HFM1: variants seen among roughly 807,000 people sequenced by gnomAD.
The protein encoded by HFM1 is probable ATP-dependent DNA helicase HFM1.
HFM1 carries 169 observed loss-of-function variants against 192.1 expected under a neutral mutation model. The ratio of observed to expected loss-of-function variants is 0.88; its 90% confidence interval spans 0.78 to 1.00. The LOEUF is 1.00. Ranked by LOEUF, HFM1 falls within the 50% of genes least tolerant of loss-of-function variation. The pLI is 0.00. For missense variants in HFM1, 1,661 were observed against 1,668.0 expected (o/e 1.00, Z 0.07); for synonymous variants, 525 against 537.8 (o/e 0.98, Z 0.33).
In HFM1 at chr1:91,289,485, C is replaced by T. The variant is rs1234609036; in HGVS notation, c.3392-12423G>A. On this transcript the variant is annotated intron_variant, in intron 30 of 38. Transcript: ENST00000370425. ...GGCACCTGGGCAGAGGCTGCAATCT[C>T]GGCACTTTGGGAAGCCAAGGCAGGC... Among the ~76,000 whole-genome samples the T allele has an allele frequency of 5.3e-5, 8 of 152,266 alleles. No homozygotes were observed. The South Asian group carries it at 6.2e-4, about 12-fold the overall frequency.
chr1:91,308,056 C>T (rs953221077), intron 30 of HFM1, among the ~76,000 whole-genome samples: 2 of 152,116 alleles, frequency 1.3e-5, no homozygotes, highest in Non-Finnish European at 2.9e-5. Context: ...AGTTTTGCTA[C>T]AATATGTCCA....
chr1:91,407,306 T>C (rs1267007921), upstream of HFM1, among the ~76,000 whole-genome samples: 3 of 151,984 alleles, frequency 2.0e-5, no homozygotes, highest in Admixed American at 6.6e-5. Context: ...TGTATATCTA[T>C]GTAACAAACC....
Position 91,261,089 on chromosome 1 carries a change from A to G in HFM1, c.*201T>C, listed in dbSNP as rs2100647079. 5.9e-6 allele frequency: 2 copies of G among 337,920 alleles called. No individual in the cohort carries two copies. Among genetic ancestry groups the G allele is most frequent in the South Asian group, 2.9e-4 (2 of 6,790 alleles). 20.9% of individuals were successfully genotyped at this position (337,920 alleles called of 1,614,324 possible). Reference sequence around the variant, plus strand: ...GGGCTTATTGAAACAAAGCCACTGTAAAAGAGCTTTTCAAGAAGTTACAAT... The same window carrying G: ...GGGCTTATTGAAACAAAGCCACTGTGAAAGAGCTTTTCAAGAAGTTACAAT... On this transcript the variant is annotated 3_prime_UTR_variant, in exon 39 of 39. Transcript: ENST00000370425.
chr1:91,362,186 C>T (rs912922867), intron 13 of HFM1, among the ~76,000 whole-genome samples: 2 of 152,134 alleles, frequency 1.3e-5, no homozygotes, highest in African/African-American at 2.4e-5. Context: ...TTTGGAAGTT[C>T]TGGCAAGGGC....
At position 91,316,435 on chromosome 1, in the gene HFM1, A is replaced by G; in HGVS notation, c.2854T>C (p.Ser952Pro). 6.3e-7 allele frequency: 1 copy of G among 1,580,664 alleles called. No homozygotes were observed. The highest frequency in any genetic ancestry group is 1.2e-5 in the South Asian group (1 of 86,028). ...TCTGTCTCTTCTATTTTTTTAAAGG[A>G]AGTCAAACCAGCATTTACGATTGCA... ...SNAIVNAGLTSFKKIEETDAR... is the reference protein window; with the variant it reads ...SNAIVNAGLTPFKKIEETDAR... Residue 952 changes from serine to proline, a missense_variant, in exon 26 of 39, where the codon TCC (serine) becomes CCC (proline). Physicochemically the swap from Ser to Pro is moderately conservative, Grantham distance 74. Coordinates refer to ENST00000370425, the MANE Select transcript of HFM1 (RefSeq NM_001017975.6).
intron 30 of HFM1, among the ~76,000 whole-genome samples, chr1:91,282,277 G>A (rs577584300): frequency 4.2e-4 from 63 of 151,642 alleles, no homozygotes; most frequent in Middle Eastern, 6.8e-3. Context: ...CGAGACCTCC[G>A]GTTTTCCTTC....
Position 91,262,237 on chromosome 1 carries a change from T to A in HFM1, c.4238+4A>T. ...ATCTTAAAGTGTCTTTAAAGAGTTC[T>A]TACCTGAAATCAACTTCCTTTTTAC... On this transcript the variant is annotated splice_donor_region_variant and intron_variant, in intron 38 of 38. Transcript: ENST00000370425. 2 of 1,292,782 alleles carry A rather than the reference T, an allele frequency of 1.5e-6. No homozygotes were observed. Among genetic ancestry groups the A allele is most frequent in the Non-Finnish European group, 2.2e-6 (2 of 924,640 alleles). The allele number at this position is 1,292,782 out of a possible 1,614,324, so 80.1% of individuals were successfully genotyped here.
Position 91,380,940 on chromosome 1 carries a change from T to C in HFM1, c.845A>G (p.Asn282Ser), listed in dbSNP as rs1395066615. Residue 282 changes from asparagine (N) to serine (S), a missense_variant, in exon 7 of 39, where the codon AAC becomes AGC. Coordinates refer to ENST00000370425, the MANE Select transcript of HFM1 (RefSeq NM_001017975.6). ...RSIFKEFPYF[N>S]YIQSKAFDDL... ...ATCAAAGGCCTTGGACTGTATATAG[T>C]TGAAATATGGAAATTCTTTGAAAAT... 6 of 1,465,138 alleles carry C rather than the reference T, an allele frequency of 4.1e-6. No individual in the cohort carries two copies. The highest frequency in any genetic ancestry group is 2.3e-5 in the East Asian group (1 of 43,980). The allele number at this position is 1,465,138 out of a possible 1,614,324, so 90.8% of individuals were successfully genotyped here. A position where few individuals can be genotyped will look rare whatever the true frequency, so the allele number is the denominator to read the frequency against.
rs951489246 is a variant in HFM1 at position 91,369,074 on chromosome 1, T to A, written c.1685+6284A>T. ...CTATCCTAAATATATATGCACCCAA[T>A]ACAGGAGCACCCAGATTCATAAAGC... On this transcript the variant is annotated intron_variant, in intron 13 of 38. Transcript: ENST00000370425. Among the ~76,000 whole-genome samples the A allele has an allele frequency of 2.0e-5, 3 of 152,114 alleles. 1 individual carries two copies. Among genetic ancestry groups the A allele is most frequent in the South Asian group, 4.1e-4 (2 of 4,828 alleles).
intron 36 of HFM1, among the ~76,000 whole-genome samples, chr1:91,263,384 C>T (rs1399930170): frequency 6.6e-6 from 1 of 151,996 alleles, no homozygotes; most frequent in Non-Finnish European, 1.5e-5. Flanking sequence ...AGAATTGGAT[C>T]GTTTTGTCTC....
At chr1:91,368,400 C>T (rs578171407) in intron 13 of HFM1, among the ~76,000 whole-genome samples, 13 of 152,302 alleles carry the variant, frequency 8.5e-5, no homozygotes, top group East Asian at 5.8e-4. Context: ...GCTGATCTCT[C>T]GGCAGAAACT....
intron 30 of HFM1, among the ~76,000 whole-genome samples, chr1:91,302,456 A>T (rs568017187): frequency 6.6e-6 from 1 of 152,188 alleles, no homozygotes; most frequent in South Asian, 2.1e-4. Flanking sequence ...GGATTATAAA[A>T]CATGCTGCTA....
At position 91,353,155 on chromosome 1, in the gene HFM1, G is replaced by T; in HGVS notation, c.1730-3C>A. On this transcript the variant is annotated splice_polypyrimidine_tract_variant and splice_region_variant and intron_variant, in intron 14 of 38. Coordinates refer to ENST00000370425, the MANE Select transcript of HFM1 (RefSeq NM_001017975.6). ...AGCAGCACCATCTTTTAAGATATCT[G>T]TAATAGAAATATATCAGCTGTTACT... 1.3e-6 allele frequency: 2 copies of T among 1,599,070 alleles called. No homozygotes were observed. Among genetic ancestry groups the T allele is most frequent in the Admixed American group, 3.4e-5 (2 of 59,642 alleles).
chr1:91,398,702 T>TC (rs1359178029), intron 2 of HFM1, among the ~76,000 whole-genome samples: 1 of 151,160 alleles, frequency 6.6e-6, no homozygotes, highest in Non-Finnish European at 1.5e-5. Context: ...TTTTTTTTTT[T>TC]CCCTCCTGAG....
intron 30 of HFM1, among the ~76,000 whole-genome samples, chr1:91,281,760 T>C (rs1667481150): frequency 6.6e-6 from 1 of 152,214 alleles, no homozygotes; most frequent in Non-Finnish European, 1.5e-5. Context: ...AGGGTCTCGC[T>C]CTGTCACCCA....
Position 91,306,154 on chromosome 1 carries a change from A to G in HFM1, c.3391+7195T>C, listed in dbSNP as rs146216944. Among the ~76,000 whole-genome samples, 1,366 of 152,104 alleles carry G rather than the reference A, an allele frequency of 9.0e-3. 20 individuals carry two copies. Among genetic ancestry groups the G allele is most frequent in the African/African-American group, 0.03 (1,234 of 41,504 alleles). ...TTCAAGACCAGCCTGACCAACACGG[A>G]GAAATCCCATCTCTACTAAAAATAC... On this transcript the variant is annotated intron_variant, in intron 30 of 38. Coordinates refer to ENST00000370425, the MANE Select transcript of HFM1 (RefSeq NM_001017975.6).
chr1:91,364,632 A>ATATATATAT (rs753472335), intron 13 of HFM1, among the ~76,000 whole-genome samples: 24 of 66,784 alleles, frequency 3.6e-4, no homozygotes, highest in South Asian at 6.7e-4. Flanking sequence ...ATATATATAT[A>ATATATATAT]TTTTTTTTTT....
chr1:91,376,224 A>C (rs1377974857), intron 11 of HFM1, among the ~76,000 whole-genome samples: 2 of 151,960 alleles, frequency 1.3e-5, no homozygotes, highest in African/African-American at 4.8e-5. Context: ...CCAAAAGCAA[A>C]CTTCAGACTC....
chr1:91,266,675 G>T (rs1411943018), intron 35 of HFM1, among the ~76,000 whole-genome samples: 1 of 152,164 alleles, frequency 6.6e-6, no homozygotes, highest in Non-Finnish European at 1.5e-5. Context: ...CACTTATTGA[G>T]ACTGATTTTC....
Sources: allele counts gnomAD v4.1 joint callset (sites outside exome capture counted in the v4.1 genomes callset), GRCh38; gene constraint gnomAD v4.1.1; transcripts MANE v1.5; gene names NCBI Gene and HGNC (gene_info 2026-07-23, HGNC 2026-07-21).